The following CCNI variants were observed in gnomAD, a reference collection of about 807,000 sequenced individuals.
CCNI encodes the protein cyclin-I.
A neutral mutation model predicts 34.1 loss-of-function variants in CCNI; 14 were observed. The ratio of observed to expected loss-of-function variants is 0.41; its 90% confidence interval spans 0.27 to 0.64. The LOEUF (loss-of-function observed/expected upper bound fraction) is 0.64, where lower values mean the gene tolerates loss of function less well. Ranked by LOEUF, CCNI falls within the 30% of genes least tolerant of loss-of-function variation. CCNI has a pLI of 0.31. For missense variants in CCNI, 385 were observed against 440.5 expected (o/e 0.87, Z 1.13); for synonymous variants, 154 against 158.4 (o/e 0.97, Z 0.21).
intron 6 of CCNI, 65 bp from the exon 7 acceptor site, chr4:77,048,727 T>TCTCTG: frequency 7.9e-7 from 1 of 1,263,564 alleles, no homozygotes; most frequent in South Asian, 1.9e-5. Context: ...TGCTCTGTTA[T>TCTCTG]CTCTGGTGGC....
Position 77,075,583 on chromosome 4 carries a change from A to G in CCNI, c.-155T>C. 2 of 988,068 alleles carry G rather than the reference A, an allele frequency of 2.0e-6. No homozygotes were observed. The highest frequency in any genetic ancestry group is 2.4e-6 in the Non-Finnish European group (2 of 830,460). The allele number at this position is 988,068 out of a possible 1,614,324, so 61.2% of individuals were successfully genotyped here. On this transcript the variant is annotated 5_prime_UTR_variant, in exon 1 of 7. Transcript: ENST00000237654. ...CCACCTCATTCTCATAGGCGCGCGG[A>G]GGCGGTGCGCGCGGGACGACTCGGC...
At chr4:77,048,966 T>TTC (rs1487021664) in intron 6 of CCNI, among the ~76,000 whole-genome samples, 2 of 119,540 alleles carry the variant, frequency 1.7e-5, no homozygotes, top group Non-Finnish European at 3.1e-5. Context: ...ACGTCTGTTT[T>TTC]TTTTTTTTTT....
rs960216568 is a variant in CCNI, at chr4:77,059,544, AT to A, written c.115-910del. ...ACTTCAGGTTGATTTCCTGTTCAAT[AT>A]TTTTTTTCATCATCTCTAAATGTAT... On this transcript the variant is annotated intron_variant, in intron 2 of 6. Coordinates refer to ENST00000237654, the MANE Select transcript of CCNI (RefSeq NM_006835.3). 1.3e-4 allele frequency among the ~76,000 whole-genome samples: 20 copies of A among 151,702 alleles called. No individual in the cohort carries two copies. In the South Asian group the frequency reaches 1.7e-3, roughly 13 times the overall value.
chr4:77,050,748 C>T (rs1727769125), intron 6 of CCNI, among the ~76,000 whole-genome samples: 1 of 151,772 alleles, frequency 6.6e-6, no homozygotes, highest in African/African-American at 2.4e-5. Context: ...TATTATATAT[C>T]CCAGGGATGT....
rs770862061 is a variant in CCNI at position 77,055,381 on chromosome 4, C to G, written c.460-1G>C. 1.3e-6 allele frequency: 2 copies of G among 1,589,414 alleles called. No individual in the cohort carries two copies. The highest frequency in any genetic ancestry group is 2.7e-5 in the African/African-American group (2 of 74,266). On this transcript the variant is annotated splice_acceptor_variant, in intron 5 of 6. Coordinates refer to ENST00000237654, the MANE Select transcript of CCNI (RefSeq NM_006835.3). LOFTEE classifies it high-confidence loss of function. ...TAGTTGACACTGCAATGGCATGGAACTGAAAATCACAAGAACATCATTTTA... is the reference window on the plus strand; with the variant it reads ...TAGTTGACACTGCAATGGCATGGAAGTGAAAATCACAAGAACATCATTTTA...
chr4:77,059,987 A>G (rs1447427081), intron 2 of CCNI, among the ~76,000 whole-genome samples: 1 of 152,194 alleles, frequency 6.6e-6, no homozygotes, highest in Non-Finnish European at 1.5e-5. Context: ...TAATCTGATG[A>G]AACTGGGAAG....
intron 6 of CCNI, among the ~76,000 whole-genome samples, chr4:77,049,497 C>T (rs934825742): frequency 1.3e-5 from 2 of 151,978 alleles, no homozygotes; most frequent in South Asian, 2.1e-4. Context: ...GCCAACATGG[C>T]GAAACCCCTT....
intron 2 of CCNI, among the ~76,000 whole-genome samples, chr4:77,062,554 T>C (rs1728685460): frequency 6.6e-6 from 1 of 150,572 alleles, no homozygotes; most frequent in East Asian, 1.9e-4. Context: ...AGCAAGACCC[T>C]GTCTCAGAAA....
chr4:77,056,616 G>T (rs1326913286), intron 3 of CCNI: 1 of 239,252 alleles, frequency 4.2e-6, no homozygotes, highest in East Asian at 8.3e-5. Flanking sequence ...TTGAGACGGA[G>T]TCTTGGCCTG....
intron 1 of CCNI, among the ~76,000 whole-genome samples, chr4:77,072,654 A>AAG (rs1553987775): frequency 3.0e-5 from 4 of 134,798 alleles, no homozygotes; most frequent in African/African-American, 1.0e-4. Flanking sequence ...AAAAAAAAAA[A>AAG]AAAAAAAGAA....
At chr4:77,057,812 TG>T (rs1236248620) in intron 3 of CCNI, among the ~76,000 whole-genome samples, 1 of 152,286 alleles carries the variant, frequency 6.6e-6, no homozygotes, top group South Asian at 2.1e-4. Flanking sequence ...CCACACAGTA[TG>T]GATATTCAAT....
chr4:77,056,553 T>C, intron 3 of CCNI: 1 of 474,782 alleles, frequency 2.1e-6, no homozygotes, highest in Non-Finnish European at 3.8e-6. Context: ...GGAAGGAAAG[T>C]ACACTTGCAA....
chr4:77,074,240 T>C (rs1238342561), intron 1 of CCNI, among the ~76,000 whole-genome samples: 2 of 152,218 alleles, frequency 1.3e-5, no homozygotes, highest in Non-Finnish European at 2.9e-5. Context: ...TTTACTGAAC[T>C]TCCCTAACAC....
Position 77,055,950 on chromosome 4 carries a change from A to G in CCNI, c.459+12T>C. 6.3e-7 allele frequency: 1 copy of G among 1,596,066 alleles called. No homozygotes were observed. The highest frequency in any genetic ancestry group is 8.5e-7 in the Non-Finnish European group (1 of 1,170,190). On this transcript the variant is annotated intron_variant, in intron 5 of 6. Transcript: ENST00000237654. ...CTCAAATAAGAAACTAAAAGACTTCAGGTATATTTACAATATGAAGAAAAT... is the reference window on the plus strand; with the variant it reads ...CTCAAATAAGAAACTAAAAGACTTCGGGTATATTTACAATATGAAGAAAAT...
intron 1 of CCNI, among the ~76,000 whole-genome samples, chr4:77,070,450 T>C (rs986599286): frequency 1.3e-5 from 2 of 151,308 alleles, no homozygotes; most frequent in Non-Finnish European, 2.9e-5. Context: ...CCCCAACCCA[T>C]TGTGTGCGAG....
intron 1 of CCNI, among the ~76,000 whole-genome samples, chr4:77,072,210 A>G (rs1729516653): frequency 6.6e-6 from 1 of 152,156 alleles, no homozygotes; most frequent in South Asian, 2.1e-4. Flanking sequence ...TTTAAGATTC[A>G]GAAATCAACG....
At chr4:77,065,315 A>G (rs1560780825) in intron 2 of CCNI, among the ~76,000 whole-genome samples, 1 of 152,250 alleles carries the variant, frequency 6.6e-6, no homozygotes, top group Non-Finnish European at 1.5e-5. Flanking sequence ...TTTGACCACT[A>G]TTCTATTTTC....
intron 3 of CCNI, 75 bp downstream of exon 3, chr4:77,058,432 G>A (rs1407380938): frequency 8.5e-7 from 1 of 1,172,378 alleles, no homozygotes; most frequent in Non-Finnish European, 1.2e-6. Context: ...CTTACAGAAT[G>A]TTCACTAATA....
intron 2 of CCNI, among the ~76,000 whole-genome samples, chr4:77,061,533 C>T (rs1728603694): frequency 6.6e-6 from 1 of 152,110 alleles, no homozygotes; most frequent in African/African-American, 2.4e-5. Context: ...TTATATTCCA[C>T]ATGCTGCTAG....
Sources: gnomAD v4.1 joint callset for allele counts (sites outside exome capture counted in the v4.1 genomes callset) on GRCh38, gnomAD v4.1.1 for gene constraint, MANE v1.5 for transcripts, NCBI Gene and HGNC (gene_info 2026-07-23, HGNC 2026-07-21) for gene names.